The following CNTNAP1 variants were observed in gnomAD, a reference collection of about 807,000 sequenced individuals.
CNTNAP1 encodes contactin associated protein 1.
In CNTNAP1, 80 loss-of-function variants were observed where a neutral mutation model predicts 161.5. The ratio of observed to expected loss-of-function variants is 0.50; its 90% CI spans 0.41 to 0.60. The LOEUF (loss-of-function observed/expected upper bound fraction) is 0.60. Ranked by LOEUF, CNTNAP1 falls within the 20% of genes least tolerant of loss-of-function variation. The pLI is 0.00. For missense variants in CNTNAP1, 1,464 were observed against 1,854.8 expected (o/e 0.79, Z 3.87); for synonymous variants, 695 against 733.1 (o/e 0.95, Z 0.84).
chr17:42,694,848 T>G (rs1015669761), intron 18 of CNTNAP1, among the ~76,000 whole-genome samples: 2 of 152,106 alleles, frequency 1.3e-5, no homozygotes, highest in African/African-American at 4.8e-5. Flanking sequence ...GGAGGATATA[T>G]GAGCAGGTGG....
intron 17 of CNTNAP1, 40 bp from the exon 18 acceptor site, chr17:42,693,257 C>G (rs2053113669): frequency 6.2e-7 from 1 of 1,610,212 alleles, no homozygotes; most frequent in Non-Finnish European, 8.5e-7. Context: ...CCGCGCCTGG[C>G]CCTGCCTCCA....
Position 42,691,607 on chromosome 17 carries a change from CCCGA to C in CNTNAP1, c.2344+99_2344+102del. 1 of 1,543,072 alleles carries C rather than the reference CCCGA, an allele frequency of 6.5e-7. No individual in the cohort carries two copies. The highest frequency in any genetic ancestry group is 8.8e-7 in the Non-Finnish European group (1 of 1,135,230). ...TCACTGGTGGTCTCTAGCTGGGGTG[CCCGA>C]CCCCCAGCTCCTGCTGTGATGCGAT... On this transcript the variant is annotated intron_variant, in intron 15 of 23. Transcript: ENST00000264638. The surrounding 1 kb of genome is among the most constrained non-coding windows in gnomAD (Gnocchi z 4.3).
rs1567977441 is a variant in CNTNAP1 at position 42,698,766 on chromosome 17, A to G, written c.4011A>G (p.Ser1337=). 2 of 1,612,668 alleles carry G rather than the reference A, an allele frequency of 1.2e-6. No homozygotes were observed. Among genetic ancestry groups the G allele is most frequent in the Non-Finnish European group, 8.5e-7 (1 of 1,179,842 alleles). Residue 1337 remains serine (S), a synonymous_variant, in exon 24 of 24, where the codon TCA becomes TCG. Transcript: ENST00000264638. ...HPGSKPPLPT[S]GPAQVPTPTA... ...GCAGCAAACCTCCCCTACCCACTTC[A>G]GGCCCTGCCCAGGTCCCCACCCCTA...
At chr17:42,686,877 G>A (rs1279502257) in intron 6 of CNTNAP1, 26 bp from the exon 7 acceptor site, 1 of 1,581,106 alleles carries the variant, frequency 6.3e-7, no homozygotes, top group South Asian at 1.1e-5. Flanking sequence ...GTGCCCAAGA[G>A]GCCTCATTCC....
chr17:42,687,908 G>A lies in CNTNAP1; in HGVS notation c.1233G>A (p.Glu411=). The part of the protein sequence containing the change: ...SRLGDGLGHV[E]LTLSEGQVNV... ...TGGGGGACGGGCTGGGCCACGTGGA[G>A]CTGACGCTCAGCGAAGGGCAGGTCA... Residue 411 remains glutamate, a synonymous_variant, in exon 8 of 24, where the codon GAG becomes GAA. Coordinates refer to ENST00000264638, the MANE Select transcript of CNTNAP1 (RefSeq NM_003632.3). The surrounding 1 kb of genome is among the most constrained non-coding windows in gnomAD (Gnocchi z 4.7). The A allele has an allele frequency of 6.2e-7, 1 of 1,614,252 alleles. No individual in the cohort carries two copies. Among genetic ancestry groups the A allele is most frequent in the Non-Finnish European group, 8.5e-7 (1 of 1,180,052 alleles).
At position 42,698,972 on chromosome 17, in the gene CNTNAP1, C is replaced by A. The variant is rs202217607; in HGVS notation, c.*62C>A. 1.6e-5 allele frequency: 23 copies of A among 1,437,472 alleles called. No individual in the cohort carries two copies. Among genetic ancestry groups the A allele is most frequent in the Middle Eastern group, 5.2e-4 (2 of 3,850 alleles). The allele number at this position is 1,437,472 out of a possible 1,614,324, so 89.0% of individuals were successfully genotyped here. A position where few individuals can be genotyped will look rare whatever the true frequency, so the allele number is the denominator to read the frequency against. On this transcript the variant is annotated 3_prime_UTR_variant, in exon 24 of 24. Transcript: ENST00000264638. ...CATTCCCCCAGTCCTGCCTCTCCCC[C>A]ATCCTATCAGGGACATTTGGCTCCT...
chr17:42,697,935 G>C lies in CNTNAP1; in HGVS notation c.3847G>C (p.Ala1283Pro). The C allele has an allele frequency of 1.9e-6, 3 of 1,614,190 alleles. No homozygotes were observed. Among genetic ancestry groups the C allele is most frequent in the Non-Finnish European group, 2.5e-6 (3 of 1,180,024 alleles). ...FPYYHDEGWV[A>P]ILLGFLVAFL... ...CTACTACCATGATGAAGGATGGGTTGCCATACTTTTAGGCTGTGAGTAGCA... is the reference window on the plus strand; with the variant it reads ...CTACTACCATGATGAAGGATGGGTTCCCATACTTTTAGGCTGTGAGTAGCA... Residue 1283 changes from alanine (A) to proline (P), a missense_variant, in exon 23 of 24, where the codon GCC becomes CCC. By Grantham distance (27) the Ala-to-Pro change is conservative. Coordinates refer to ENST00000264638, the MANE Select transcript of CNTNAP1 (RefSeq NM_003632.3).
chr17:42,691,562 TC>T lies in CNTNAP1; in HGVS notation c.2344+53del. The T allele has an allele frequency of 6.2e-7, 1 of 1,607,206 alleles. No homozygotes were observed. Among genetic ancestry groups the T allele is most frequent in the Non-Finnish European group, 8.5e-7 (1 of 1,176,974 alleles). ...CCCTCCCAGAGCTGACTCTCCAGTT[TC>T]CAAAATCTAGGCCGCATGTCACTGG... On this transcript the variant is annotated intron_variant, in intron 15 of 23. Coordinates refer to ENST00000264638, the MANE Select transcript of CNTNAP1 (RefSeq NM_003632.3). This position sits in a 1 kb window ranked among gnomAD's most constrained non-coding sequence, Gnocchi z 4.3.
chr17:42,682,720 G>T lies in CNTNAP1; in HGVS notation c.-110G>T. The T allele has an allele frequency of 9.3e-7, 1 of 1,077,490 alleles. No homozygotes were observed. Among genetic ancestry groups the T allele is most frequent in the East Asian group, 2.6e-5 (1 of 38,728 alleles). 66.7% of individuals were successfully genotyped at this position (1,077,490 alleles called of 1,614,324 possible). On this transcript the variant is annotated 5_prime_UTR_variant, in exon 1 of 24. Coordinates refer to ENST00000264638, the MANE Select transcript of CNTNAP1 (RefSeq NM_003632.3). Reference sequence around the variant, plus strand: ...GGGAGGGAAGGGTGGGTAAGGAGGAGAGAGCGGTCTGCTGCAAACCCCAGG... The same window carrying T: ...GGGAGGGAAGGGTGGGTAAGGAGGATAGAGCGGTCTGCTGCAAACCCCAGG...
intron 20 of CNTNAP1, among the ~76,000 whole-genome samples, chr17:42,696,605 G>T (rs1043814225): frequency 5.3e-5 from 8 of 152,150 alleles, no homozygotes; most frequent in African/African-American, 9.7e-5. Flanking sequence ...TTATAAGCGT[G>T]AGCCACCGCG....
intron 18 of CNTNAP1, among the ~76,000 whole-genome samples, chr17:42,694,737 T>G (rs1165957559): frequency 6.6e-6 from 1 of 152,152 alleles, no homozygotes; most frequent in Non-Finnish European, 1.5e-5. Context: ...TCCTAAAACA[T>G]GTCAATGACC....
chr17:42,682,812 C>T lies in CNTNAP1; in HGVS notation c.-18C>T, dbSNP rs753757283. On this transcript the variant is annotated 5_prime_UTR_variant, in exon 1 of 24. Coordinates refer to ENST00000264638, the MANE Select transcript of CNTNAP1 (RefSeq NM_003632.3). ...GAGCCGTTCACAGGGAGGCGGCTGC[C>T]GGGACCGTCAGCCCTGCATGATGCA... 1.3e-6 allele frequency: 2 copies of T among 1,559,416 alleles called. No individual in the cohort carries two copies. Among genetic ancestry groups the T allele is most frequent in the African/African-American group, 1.4e-5 (1 of 73,504 alleles).
Position 42,691,927 on chromosome 17 carries a change from C to G in CNTNAP1, c.2466C>G (p.Phe822Leu). ...GGACCTCTGCTCCCTCGGGGGTCTT[C>G]CTAGAGAATATGGGGGGCCCTTACT... ...YFRTSAPSGV[F>L]LENMGGPYCQ... The change falls in exon 16 of 24, where the codon TTC becomes TTG. Residue 822 changes from phenylalanine (F) to leucine (L), a missense_variant. Around this residue, in one of 3 missense-constraint regions of CNTNAP1, gnomAD observed 1,383 missense variants for 1,765.0 expected, o/e 0.78. Transcript: ENST00000264638. The surrounding 1 kb of genome is among the most constrained non-coding windows in gnomAD (Gnocchi z 4.3). 1 of 1,614,114 alleles carries G rather than the reference C, an allele frequency of 6.2e-7. No individual in the cohort carries two copies. The highest frequency in any genetic ancestry group is 8.5e-7 in the Non-Finnish European group (1 of 1,180,012).
chr17:42,683,193 G>T (rs1447212911), intron 1 of CNTNAP1: 2 of 544,354 alleles, frequency 3.7e-6, no homozygotes, highest in Non-Finnish European at 6.2e-6. Context: ...TGGGGGATAA[G>T]TGTATACTGG....
rs149112144 is a variant in CNTNAP1, at chr17:42,697,990, C to T, written c.3862+40C>T. On this transcript the variant is annotated intron_variant, in intron 23 of 23. Coordinates refer to ENST00000264638, the MANE Select transcript of CNTNAP1 (RefSeq NM_003632.3). Reference sequence around the variant, plus strand: ...TCACTAAGCTGACCTCCCAAGACTACCCTCTGACTGTCAGCATCCTTTCCC... The same window carrying T: ...TCACTAAGCTGACCTCCCAAGACTATCCTCTGACTGTCAGCATCCTTTCCC... The T allele has an allele frequency of 1.1e-3, 1,810 of 1,609,246 alleles. 24 individuals carry two copies. The East Asian group carries it at 0.031, about 28-fold the overall frequency.
At chr17:42,689,912 T>C in intron 11 of CNTNAP1, 176 bp from the exon 12 acceptor site, 1 of 675,418 alleles carries the variant, frequency 1.5e-6, no homozygotes, top group South Asian at 1.8e-5. Flanking sequence ...AGCTAATTTT[T>C]ATATTTTTAT....
In CNTNAP1 at chr17:42,688,517, C is replaced by T; in HGVS notation, c.1362C>T (p.Asn454=). The change falls in exon 9 of 24, where the codon AAC becomes AAT. Residue 454 remains asparagine, a synonymous_variant. Coordinates refer to ENST00000264638, the MANE Select transcript of CNTNAP1 (RefSeq NM_003632.3). ...AGGTGAATTTTGTGGCACAGGAAAA[C>T]CATGCAGTTATCAGCATTGATGATG... The part of the protein sequence containing the change: ...WHEVNFVAQE[N]HAVISIDDVE... 1.9e-6 allele frequency: 3 copies of T among 1,614,180 alleles called. No individual in the cohort carries two copies. The highest frequency in any genetic ancestry group is 2.5e-6 in the Non-Finnish European group (3 of 1,180,040).
intron 11 of CNTNAP1, 95 bp from the exon 12 acceptor site, chr17:42,689,993 G>A: frequency 7.0e-7 from 1 of 1,427,908 alleles, no homozygotes; most frequent in Non-Finnish European, 9.8e-7. Context: ...CACCACCCCG[G>A]CCTCCCAAAG....
rs2052951568 is a variant in CNTNAP1 at position 42,682,775 on chromosome 17, G to C, written c.-55G>C. ...GAGCTTGGAGCCCAAGCCAGAACTC[G>C]AGCCCTAGCCGGAGCCGTTCACAGG... On this transcript the variant is annotated 5_prime_UTR_variant, in exon 1 of 24. Coordinates refer to ENST00000264638, the MANE Select transcript of CNTNAP1 (RefSeq NM_003632.3). 3.3e-6 allele frequency: 5 copies of C among 1,532,050 alleles called. No individual in the cohort carries two copies. Among genetic ancestry groups the C allele is most frequent in the Non-Finnish European group, 4.4e-6 (5 of 1,137,274 alleles). 94.9% of individuals were successfully genotyped at this position (1,532,050 alleles called of 1,614,324 possible).
Sources: gnomAD v4.1 joint callset for allele counts (sites outside exome capture counted in the v4.1 genomes callset) on GRCh38, gnomAD v4.1.1 for gene constraint, gnomAD v4.1.1 regional missense constraint, Gnocchi (gnomAD v3.1) non-coding constraint, MANE v1.5 for transcripts, NCBI Gene and HGNC (gene_info 2026-07-23, HGNC 2026-07-21) for gene names.